Variants in PIK3CB observed in about 807,000 individuals in gnomAD.
PIK3CB encodes phosphatidylinositol-4,5-bisphosphate 3-kinase catalytic subunit beta.
In PIK3CB, 39 loss-of-function variants were observed where a neutral mutation model predicts 136.8. That is an observed-to-expected ratio of 0.29 (90% CI 0.22 to 0.37). The LOEUF is 0.37. PIK3CB is among the 10% of genes least tolerant of loss of function. PIK3CB has a pLI of 1.00. For missense variants in PIK3CB, 868 were observed against 1,275.4 expected, an observed-to-expected ratio of 0.68 and a Z score of 4.87; for synonymous variants, 428 against 436.6, an observed-to-expected ratio of 0.98 and a Z score of 0.25.
chr3:138,683,790 G>A lies in PIK3CB; in HGVS notation c.2316-3C>T. 3 of 1,463,520 alleles carry A rather than the reference G, an allele frequency of 2.0e-6. No individual in the cohort carries two copies. Among genetic ancestry groups the A allele is most frequent in the Non-Finnish European group, 2.9e-6 (3 of 1,043,794 alleles). The allele number at this position is 1,463,520 out of a possible 1,614,324, so 90.7% of individuals were successfully genotyped here. ...CCATGTATTTGCACTTTTCAACACT[G>A]AAATCAAGTGGGGAAAATTAGTCAA... On this transcript the variant is annotated splice_polypyrimidine_tract_variant and splice_region_variant and intron_variant, in intron 17 of 23. Coordinates refer to ENST00000674063, the MANE Select transcript of PIK3CB (RefSeq NM_006219.3).
intron 19 of PIK3CB, among the ~76,000 whole-genome samples, chr3:138,667,516 CA>C (rs897191530): frequency 5.3e-5 from 8 of 151,772 alleles, no homozygotes; most frequent in Middle Eastern, 6.8e-3. Flanking sequence ...AAAAGTCCTT[CA>C]AAAAAATTGA....
At chr3:138,699,466 C>A (rs189551193) in intron 12 of PIK3CB, among the ~76,000 whole-genome samples, 2 of 150,922 alleles carry the variant, frequency 1.3e-5, no homozygotes, top group Non-Finnish European at 2.9e-5. Context: ...GCCTGGGCAA[C>A]GTGGTGAAAA....
At chr3:138,833,923 G>A (rs1934156051) in intron 1 of PIK3CB, among the ~76,000 whole-genome samples, 1 of 152,168 alleles carries the variant, frequency 6.6e-6, no homozygotes, top group Non-Finnish European at 1.5e-5. Context: ...AGAGACTGCA[G>A]GATTCTAGTA....
intron 14 of PIK3CB, among the ~76,000 whole-genome samples, chr3:138,693,967 TA>T (rs2044075892): frequency 1.7e-4 from 3 of 17,504 alleles, no homozygotes; most frequent in Non-Finnish European, 2.5e-4. Context: ...ATATATATAT[TA>T]TATATATATA....
chr3:138,811,676 G>A lies in PIK3CB; in HGVS notation c.-121-15109C>T, dbSNP rs566416937. 2.0e-5 allele frequency among the ~76,000 whole-genome samples: 3 copies of A among 152,074 alleles called. No individual in the cohort carries two copies. In the South Asian group the frequency reaches 6.2e-4, roughly 32 times the overall value. Reference sequence around the variant, plus strand: ...CCTGACCTCATGATCCGCCCGCCTCGGCCTCCCGAAGTGCTGGGATTACAG... The same window carrying A: ...CCTGACCTCATGATCCGCCCGCCTCAGCCTCCCGAAGTGCTGGGATTACAG... On this transcript the variant is annotated intron_variant, in intron 1 of 23. Transcript: ENST00000674063.
At chr3:138,793,966 T>C (rs1003391964) in intron 2 of PIK3CB, among the ~76,000 whole-genome samples, 3 of 152,064 alleles carry the variant, frequency 2.0e-5, no homozygotes, top group African/African-American at 7.2e-5. Flanking sequence ...TTGTTTTTTG[T>C]TTTGTTTTGT....
rs146109749 is a variant in PIK3CB at position 138,663,921 on chromosome 3, G to T, written c.2781C>A (p.Val927=). The T allele has an allele frequency of 3.1e-6, 5 of 1,612,868 alleles. No individual in the cohort carries two copies. The highest frequency in any genetic ancestry group is 2.2e-5 in the South Asian group (2 of 90,788). The change falls in exon 21 of 24, where the codon GTC becomes GTA. Residue 927 remains valine (V), a synonymous_variant. Transcript: ENST00000674063. Reference sequence around the variant, plus strand: ...AGCAGCTCACCTGGCCAGTTTTTTTGACCATGATGTTGTCACTATGTCTGT... The same window carrying T: ...AGCAGCTCACCTGGCCAGTTTTTTTTACCATGATGTTGTCACTATGTCTGT... ...IGDRHSDNIM[V]KKTGQLFHID...
At chr3:138,691,464 C>G (rs2044006488) in intron 14 of PIK3CB, among the ~76,000 whole-genome samples, 1 of 152,138 alleles carries the variant, frequency 6.6e-6, no homozygotes, top group South Asian at 2.1e-4. Context: ...TCCCACATGT[C>G]AAAGGAGCAT....
At position 138,756,381 on chromosome 3, in the gene PIK3CB, T is replaced by C. The variant is rs2045568073; in HGVS notation, c.172-402A>G. 2.0e-5 allele frequency among the ~76,000 whole-genome samples: 3 copies of C among 152,170 alleles called. No individual in the cohort carries two copies. The South Asian group carries it at 6.2e-4, about 32-fold the overall frequency. Reference sequence around the variant, plus strand: ...AAGTAAGACTCAATGAAAACTTTCATATTTCACTTTCCTGTAAGCAGAAAC... The same window carrying C: ...AAGTAAGACTCAATGAAAACTTTCACATTTCACTTTCCTGTAAGCAGAAAC... On this transcript the variant is annotated intron_variant, in intron 3 of 23. Coordinates refer to ENST00000674063, the MANE Select transcript of PIK3CB (RefSeq NM_006219.3).
chr3:138,730,557 C>T (rs1468979819), intron 8 of PIK3CB, among the ~76,000 whole-genome samples: 1 of 152,086 alleles, frequency 6.6e-6, no homozygotes, highest in Non-Finnish European at 1.5e-5. Context: ...AATTACTAAA[C>T]AAAACCATAT....
chr3:138,823,532 G>T (rs1043606131), intron 1 of PIK3CB, among the ~76,000 whole-genome samples: 2 of 151,826 alleles, frequency 1.3e-5, no homozygotes, highest in African/African-American at 4.8e-5. Context: ...GTGAAACCTC[G>T]TCTCTACTAA....
chr3:138,677,811 C>T lies in PIK3CB; in HGVS notation c.2504+4156G>A, dbSNP rs573283474. The stretch of plus-strand genomic sequence containing the variant: ...TCGGGAGGCTGAGGCAGGAGAATCA[C>T]TTGAACCTGGGAGGCGGAGGTTGCA... On this transcript the variant is annotated intron_variant, in intron 19 of 23. Transcript: ENST00000674063. 2.2e-4 allele frequency among the ~76,000 whole-genome samples: 33 copies of T among 152,286 alleles called. No homozygotes were observed. In the East Asian group the frequency reaches 3.7e-3, roughly 17 times the overall value.
chr3:138,703,912 T>C (rs2044309830), intron 12 of PIK3CB, among the ~76,000 whole-genome samples: 1 of 152,310 alleles, frequency 6.6e-6, no homozygotes, highest in South Asian at 2.1e-4. Context: ...TACATACTAA[T>C]GATATCCTGA....
intron 1 of PIK3CB, among the ~76,000 whole-genome samples, chr3:138,801,821 C>T (rs375486185): frequency 6.9e-6 from 1 of 145,490 alleles, no homozygotes; most frequent in East Asian, 2.0e-4. Context: ...AGAGATTGGG[C>T]CACTGCACTC....
intron 16 of PIK3CB, among the ~76,000 whole-genome samples, chr3:138,685,997 C>T: frequency 6.6e-6 from 1 of 151,678 alleles, no homozygotes; most frequent in East Asian, 1.9e-4. Flanking sequence ...ATTAGCCAGA[C>T]ACGGTGGTGT....
intron 1 of PIK3CB, among the ~76,000 whole-genome samples, chr3:138,812,237 A>T (rs1933102915): frequency 8.0e-6 from 1 of 125,014 alleles, no homozygotes; most frequent in Non-Finnish European, 1.8e-5. Flanking sequence ...GTAGAATGAG[A>T]GGTTTTTTTT....
chr3:138,660,771 T>C (rs1445463153), intron 21 of PIK3CB, among the ~76,000 whole-genome samples: 1 of 152,234 alleles, frequency 6.6e-6, no homozygotes, highest in East Asian at 1.9e-4. Context: ...AAGTCCACAA[T>C]GAAGACATAC....
chr3:138,784,930 C>T (rs1355101302), intron 2 of PIK3CB, among the ~76,000 whole-genome samples: 4 of 151,914 alleles, frequency 2.6e-5, no homozygotes, highest in Non-Finnish European at 5.9e-5. Flanking sequence ...GCCGCCACCC[C>T]GTCTGGGAGG....
Position 138,829,287 on chromosome 3 carries a change from C to T in PIK3CB, c.-122+5408G>A, listed in dbSNP as rs192660528. Among the ~76,000 whole-genome samples, 395 of 152,092 alleles carry T rather than the reference C, an allele frequency of 2.6e-3. 2 individuals are homozygous for T. Among genetic ancestry groups the T allele is most frequent in the Non-Finnish European group, 3.7e-3 (250 of 67,996 alleles). On this transcript the variant is annotated intron_variant, in intron 1 of 23. Coordinates refer to ENST00000674063, the MANE Select transcript of PIK3CB (RefSeq NM_006219.3). ...TAAAATAAAATAAAAATAAACAATT[C>T]GCTGACATGCAGATAAAGTTTGGAT...
Sources: allele counts gnomAD v4.1 joint callset (sites outside exome capture counted in the v4.1 genomes callset), GRCh38; gene constraint gnomAD v4.1.1; transcripts MANE v1.5; gene names NCBI Gene and HGNC (gene_info 2026-07-23, HGNC 2026-07-21).